Variants in SLC24A2 observed in about 807,000 individuals in gnomAD.
SLC24A2 encodes sodium/potassium/calcium exchanger 2.
Under a neutral mutation model 62.0 loss-of-function variants are expected in SLC24A2, and 36 were observed. The ratio of observed to expected loss-of-function variants is 0.58; its 90% CI spans 0.44 to 0.77. The LOEUF (loss-of-function observed/expected upper bound fraction) is 0.77, where lower values mean the gene tolerates loss of function less well. Ranked by LOEUF, SLC24A2 falls within the 30% of genes least tolerant of loss-of-function variation. SLC24A2 has a pLI of 0.00. For synonymous variants in SLC24A2, 358 were observed against 294.0 expected, an observed-to-expected ratio of 1.22 and a Z score of -2.23; for missense variants, 846 against 817.9, an observed-to-expected ratio of 1.03 and a Z score of -0.42.
intron 8 of SLC24A2, among the ~76,000 whole-genome samples, chr9:19,534,373 T>A (rs115599272): frequency 3.3e-5 from 5 of 152,200 alleles, no homozygotes; most frequent in Non-Finnish European, 5.9e-5. Flanking sequence ...TTTTTTTAAA[T>A]ACACTTTAAG....
At chr9:19,689,754 C>T (rs1228068356) in intron 2 of SLC24A2, among the ~76,000 whole-genome samples, 1 of 152,128 alleles carries the variant, frequency 6.6e-6, no homozygotes, top group Non-Finnish European at 1.5e-5. Context: ...GTCTTAGAGG[C>T]TCTCTCTGTT....
chr9:19,796,227 T>A, the SLC24A2 span, among the ~76,000 whole-genome samples: 2 of 151,736 alleles, frequency 1.3e-5, no homozygotes, highest in South Asian at 4.2e-4. Flanking sequence ...CATATGTAAC[T>A]AACCTGCACG....
At chr9:20,270,243 G>A in the SLC24A2 span, among the ~76,000 whole-genome samples, 111 of 152,116 alleles carry the variant, frequency 7.3e-4, no homozygotes, top group Non-Finnish European at 1.2e-3. Context: ...CTGCCACACT[G>A]GGGAATCAAA....
chr9:19,849,002 C>T, the SLC24A2 span, among the ~76,000 whole-genome samples: 88 of 152,300 alleles, frequency 5.8e-4, no homozygotes, highest in African/African-American at 1.9e-3. Flanking sequence ...GGGAAGCACA[C>T]CCTAGAGTGG....
At chr9:19,647,034 TTC>T (rs1033942284) in intron 2 of SLC24A2, among the ~76,000 whole-genome samples, 5 of 137,870 alleles carry the variant, frequency 3.6e-5, no homozygotes, top group Admixed American at 7.3e-5. Flanking sequence ...TTAATTTCCT[TTC>T]TCTCTCTCTT....
the SLC24A2 span, among the ~76,000 whole-genome samples, chr9:20,209,293 T>C: frequency 6.6e-6 from 1 of 152,218 alleles, no homozygotes; most frequent in East Asian, 1.9e-4. Context: ...CTGTAATGAA[T>C]CACCCTGTTT....
At chr9:19,720,028 T>C (rs1820975600) in intron 2 of SLC24A2, among the ~76,000 whole-genome samples, 1 of 152,156 alleles carries the variant, frequency 6.6e-6, no homozygotes, top group African/African-American at 2.4e-5. Context: ...CTACAGAGGC[T>C]GGGAAGTGAC....
chr9:20,145,508 T>C, the SLC24A2 span, among the ~76,000 whole-genome samples: 1 of 151,992 alleles, frequency 6.6e-6, no homozygotes, highest in Non-Finnish European at 1.5e-5. Flanking sequence ...CCTAAGAATG[T>C]AAGATTTTCA....
At chr9:19,806,891 C>G in the SLC24A2 span, among the ~76,000 whole-genome samples, 1 of 152,142 alleles carries the variant, frequency 6.6e-6, no homozygotes, top group African/African-American at 2.4e-5. Context: ...TTTGCAGATT[C>G]AGTTTTCTCA....
the SLC24A2 span, among the ~76,000 whole-genome samples, chr9:19,851,014 TA>T: frequency 1.3e-5 from 1 of 75,310 alleles, no homozygotes; most frequent in Non-Finnish European, 2.7e-5. Flanking sequence ...CATACATATA[TA>T]TATATATACA....
At chr9:19,657,772 G>C (rs909545105) in intron 2 of SLC24A2, among the ~76,000 whole-genome samples, 6 of 151,974 alleles carry the variant, frequency 3.9e-5, no homozygotes, top group African/African-American at 1.5e-4. Flanking sequence ...CGTCATCCAG[G>C]ACTGGAGTGC....
In SLC24A2 at chr9:19,564,540, G is replaced by GTATC. The variant is rs550822011; in HGVS notation, c.1347+8807_1347+8810dup. Among the ~76,000 whole-genome samples, 23 of 71,554 alleles carry GTATC rather than the reference G, an allele frequency of 3.2e-4. No homozygotes were observed. The East Asian group carries it at 0.057, about 176-fold the overall frequency. 46.9% of individuals were successfully genotyped at this position (71,554 alleles called of 152,430 possible). A position where few individuals can be genotyped will look rare whatever the true frequency, so the allele number is the denominator to read the frequency against. On this transcript the variant is annotated intron_variant, in intron 7 of 10. Transcript: ENST00000341998. ...GTTATCTACCTACCTATCTCTCTCT[G>GTATC]TATCTATCTGTCTATCAATCAATCA...
chr9:20,282,526 T>A, the SLC24A2 span, among the ~76,000 whole-genome samples: 1 of 152,190 alleles, frequency 6.6e-6, no homozygotes, highest in African/African-American at 2.4e-5. Flanking sequence ...CCCCAAATCA[T>A]ACTCTATCAG....
chr9:19,577,146 C>T lies in SLC24A2; in HGVS notation c.1130-124G>A, dbSNP rs139437572. 2.5e-5 allele frequency: 20 copies of T among 788,402 alleles called. No homozygotes were observed. In the African/African-American group the frequency reaches 2.7e-4, roughly 11 times the overall value. The allele number at this position is 788,402 out of a possible 1,614,324, so 48.8% of individuals were successfully genotyped here. A position where few individuals can be genotyped will look rare whatever the true frequency, so the allele number is the denominator to read the frequency against. ...AGCGTGACCACTCCATTCTGTCCAA[C>T]CCCAATGCACCAGGACCTTCCTGAA... is the stretch of plus-strand genomic sequence containing the variant. On this transcript the variant is annotated intron_variant, in intron 5 of 10. Coordinates refer to ENST00000341998, the MANE Select transcript of SLC24A2 (RefSeq NM_020344.4).
intron 2 of SLC24A2, among the ~76,000 whole-genome samples, chr9:19,749,585 A>G (rs2118802580): frequency 6.6e-6 from 1 of 152,322 alleles, no homozygotes; most frequent in East Asian, 1.9e-4. Flanking sequence ...TTCAACGTAG[A>G]TTAAATTTAG....
At chr9:20,143,201 A>G in the SLC24A2 span, among the ~76,000 whole-genome samples, 1 of 152,170 alleles carries the variant, frequency 6.6e-6, no homozygotes, top group East Asian at 1.9e-4. Context: ...AGAGTGCCCA[A>G]GAAGAGAAAA....
intron 4 of SLC24A2, among the ~76,000 whole-genome samples, chr9:19,598,524 T>C (rs1437161970): frequency 6.6e-6 from 1 of 152,182 alleles, no homozygotes; most frequent in East Asian, 1.9e-4. Context: ...AAAAATCACA[T>C]GTTTATGTTT....
At chr9:19,656,094 A>C (rs1191147286) in intron 2 of SLC24A2, among the ~76,000 whole-genome samples, 1 of 152,174 alleles carries the variant, frequency 6.6e-6, no homozygotes, top group East Asian at 1.9e-4. Context: ...AAGACCTCAG[A>C]CTGTCAGATT....
chr9:19,624,705 G>A (rs1251042868), intron 2 of SLC24A2, among the ~76,000 whole-genome samples: 2 of 152,190 alleles, frequency 1.3e-5, no homozygotes, highest in African/African-American at 4.8e-5. Context: ...GGTATAATAT[G>A]TAAATTTAGG....
Sources: allele counts gnomAD v4.1 joint callset (sites outside exome capture counted in the v4.1 genomes callset), GRCh38; gene constraint gnomAD v4.1.1; transcripts MANE v1.5; gene names NCBI Gene and HGNC (gene_info 2026-07-23, HGNC 2026-07-21).